The following SH3GL3 variants were observed in gnomAD, a reference collection of about 807,000 sequenced individuals.
The protein encoded by SH3GL3 is SH3 domain containing GRB2 like 3, endophilin A3.
A neutral mutation model predicts 47.7 loss-of-function variants in SH3GL3; 33 were observed. The observed-to-expected ratio is 0.69, with a 90% CI of 0.52 to 0.92. The LOEUF (loss-of-function observed/expected upper bound fraction) is 0.92, where lower values mean the gene tolerates loss of function less well. Among genes scored for constraint, SH3GL3 ranks in the 40% least tolerant of loss-of-function variants. The probability of loss-of-function intolerance (pLI) is 0.00; values close to 1 mark genes in which losing one functional copy is unlikely to be tolerated. For synonymous variants in SH3GL3, 155 were observed against 148.8 expected, an observed-to-expected ratio of 1.04 and a Z score of -0.30; for missense variants, 363 against 417.8, an observed-to-expected ratio of 0.87 and a Z score of 1.14.
intron 1 of SH3GL3, among the ~76,000 whole-genome samples, chr15:83,522,584 T>C (rs17584591): frequency 0.16 from 24,963 of 152,238 alleles, 2,326 homozygotes; most frequent in Non-Finnish European, 0.2. Flanking sequence ...GTTACTACGT[T>C]AATTTAACTC....
intron 8 of SH3GL3, among the ~76,000 whole-genome samples, chr15:83,604,029 G>C (rs900736167): frequency 1.3e-5 from 2 of 152,170 alleles, no homozygotes; most frequent in Non-Finnish European, 2.9e-5. Flanking sequence ...AGCTACTTGG[G>C]AGGCTGAGGC....
At chr15:83,575,932 CCTA>C (rs2151779471) in intron 5 of SH3GL3, among the ~76,000 whole-genome samples, 1 of 152,202 alleles carries the variant, frequency 6.6e-6, no homozygotes, top group Non-Finnish European at 1.5e-5. Context: ...TGATGGGAAA[CCTA>C]CTGCTACGCA....
intron 1 of SH3GL3, among the ~76,000 whole-genome samples, chr15:83,547,612 AGG>A (rs36011614): frequency 6.6e-6 from 1 of 152,060 alleles, no homozygotes; most frequent in Non-Finnish European, 1.5e-5. Context: ...GTGTTCCTGC[AGG>A]GGGGACGATT....
chr15:83,515,525 TG>T (rs201207311), intron 1 of SH3GL3, among the ~76,000 whole-genome samples: 3 of 147,420 alleles, frequency 2.0e-5, no homozygotes, highest in Non-Finnish European at 3.0e-5. Flanking sequence ...CCCATGCAGG[TG>T]GGGGGGGAGG....
At chr15:83,487,129 G>A (rs1377925853) in intron 1 of SH3GL3, among the ~76,000 whole-genome samples, 1 of 151,876 alleles carries the variant, frequency 6.6e-6, no homozygotes, top group African/African-American at 2.4e-5. Context: ...ATTATTTGGG[G>A]TATATACCCT....
At chr15:83,553,545 T>A (rs2044773643) in intron 1 of SH3GL3, among the ~76,000 whole-genome samples, 2 of 152,204 alleles carry the variant, frequency 1.3e-5, no homozygotes, top group Admixed American at 1.3e-4. Context: ...AAATACTGGT[T>A]TTCTAACAGT....
intron 8 of SH3GL3, among the ~76,000 whole-genome samples, chr15:83,608,407 A>G (rs1157415142): frequency 6.6e-6 from 1 of 152,178 alleles, no homozygotes; most frequent in Non-Finnish European, 1.5e-5. Flanking sequence ...CCATGGACAA[A>G]AACAATATGT....
chr15:83,631,754 T>C, the SH3GL3 span, among the ~76,000 whole-genome samples: 1 of 152,212 alleles, frequency 6.6e-6, no homozygotes, highest in Non-Finnish European at 1.5e-5. Context: ...CCTGGGCCTC[T>C]GGGCCTGTGA....
At chr15:83,471,443 T>G (rs1319332508) in intron 1 of SH3GL3, among the ~76,000 whole-genome samples, 1 of 152,222 alleles carries the variant, frequency 6.6e-6, no homozygotes, top group East Asian at 1.9e-4. Flanking sequence ...AAAAGCTAAC[T>G]TAGAACTATA....
At position 83,504,811 on chromosome 15, in the gene SH3GL3, T is replaced by C. The variant is rs548827796; in HGVS notation, c.46-54442T>C. On this transcript the variant is annotated intron_variant, in intron 1 of 8. Transcript: ENST00000427482. ...CAGAAACTGCGTGAGATAACAGCCA[T>C]GTGAGCTGTTTTAAGCTGCTGAGTT... Among the ~76,000 whole-genome samples the C allele has an allele frequency of 3.3e-4, 50 of 152,316 alleles. No individual in the cohort carries two copies. The South Asian group carries it at 1.0e-2, about 30-fold the overall frequency.
intron 6 of SH3GL3, among the ~76,000 whole-genome samples, chr15:83,584,804 G>A (rs1053039776): frequency 2.6e-5 from 4 of 152,172 alleles, no homozygotes; most frequent in African/African-American, 9.7e-5. Flanking sequence ...CCCGGAAGTG[G>A]AATTAAACCT....
At chr15:83,586,453 C>T (rs1019200679) in intron 6 of SH3GL3, among the ~76,000 whole-genome samples, 25 of 152,274 alleles carry the variant, frequency 1.6e-4, no homozygotes, top group Middle Eastern at 3.4e-3. Context: ...AGCAACAAAA[C>T]GCATAGAGGG....
At chr15:83,502,327 T>C in intron 1 of SH3GL3, among the ~76,000 whole-genome samples, 1 of 152,204 alleles carries the variant, frequency 6.6e-6, no homozygotes, top group East Asian at 1.9e-4. Context: ...GGCAAGTGAG[T>C]AACCACTGCC....
chr15:83,588,624 C>T, intron 7 of SH3GL3, 38 bp from the exon 8 acceptor site: 1 of 1,253,524 alleles, frequency 8.0e-7, no homozygotes, highest in Non-Finnish European at 1.2e-6. Flanking sequence ...AAGCTTTCAA[C>T]ATCAGATGTC....
chr15:83,527,039 A>C (rs776882680), intron 1 of SH3GL3, among the ~76,000 whole-genome samples: 2 of 152,158 alleles, frequency 1.3e-5, no homozygotes, highest in Non-Finnish European at 2.9e-5. Flanking sequence ...AAGAAATGCT[A>C]CTGATTTTTG....
At chr15:83,575,871 C>A (rs996413178) in intron 5 of SH3GL3, among the ~76,000 whole-genome samples, 7 of 152,116 alleles carry the variant, frequency 4.6e-5, no homozygotes, top group African/African-American at 1.4e-4. Context: ...GTATAGCTAT[C>A]CCACTCAGCA....
At chr15:83,600,547 A>G (rs774466051) in intron 8 of SH3GL3, among the ~76,000 whole-genome samples, 44 of 152,126 alleles carry the variant, frequency 2.9e-4, no homozygotes, top group Non-Finnish European at 5.0e-4. Flanking sequence ...CCATTGGTCT[A>G]TGTGCCTATT....
At chr15:83,534,559 A>G (rs1032017888) in intron 1 of SH3GL3, among the ~76,000 whole-genome samples, 2 of 152,256 alleles carry the variant, frequency 1.3e-5, no homozygotes, top group Admixed American at 6.5e-5. Flanking sequence ...GGAAAAGAAC[A>G]CTTGACTTCA....
intron 8 of SH3GL3, among the ~76,000 whole-genome samples, chr15:83,597,100 G>C (rs918586712): frequency 6.6e-6 from 1 of 152,088 alleles, no homozygotes; most frequent in African/African-American, 2.4e-5. Context: ...TATAGTTCTG[G>C]AGGTCAGAAG....
Sources: gnomAD v4.1 joint callset for allele counts (sites outside exome capture counted in the v4.1 genomes callset) on GRCh38, gnomAD v4.1.1 for gene constraint, MANE v1.5 for transcripts, NCBI Gene and HGNC (gene_info 2026-07-23, HGNC 2026-07-21) for gene names.